Variants in SYT2 observed in about 807,000 individuals in gnomAD.
The protein encoded by SYT2 is synaptotagmin-2.
SYT2 carries 15 observed loss-of-function variants against 39.9 expected under a neutral mutation model. That is an observed-to-expected ratio of 0.38 (90% CI 0.25 to 0.58). The LOEUF (loss-of-function observed/expected upper bound fraction) is 0.58. Among genes scored for constraint, SYT2 ranks in the 20% least tolerant of loss-of-function variants. SYT2 has a pLI of 0.70. For synonymous variants in SYT2, 181 were observed against 204.5 expected (o/e 0.89, Z 0.98); for missense variants, 389 against 530.3 (o/e 0.73, Z 2.62).
At chr1:202,646,046 C>T (rs1692075261) in intron 1 of SYT2, among the ~76,000 whole-genome samples, 1 of 152,216 alleles carries the variant, frequency 6.6e-6, no homozygotes, top group African/African-American at 2.4e-5. Context: ...CACCCAAGGT[C>T]CTGAGGTAGG....
At chr1:202,657,531 T>C (rs1692300278) in intron 1 of SYT2, among the ~76,000 whole-genome samples, 1 of 152,190 alleles carries the variant, frequency 6.6e-6, no homozygotes, top group Admixed American at 6.5e-5. Flanking sequence ...CAGACAGCTC[T>C]GTGAGCGGGA....
In SYT2 at chr1:202,591,258, C is replaced by T. The variant is rs1690102799; in HGVS notation, c.*5499G>A. 1.3e-5 allele frequency: 2 copies of T among 152,632 alleles called. No homozygotes were observed. Among genetic ancestry groups the T allele is most frequent in the Admixed American group, 1.3e-4 (2 of 15,292 alleles). 9.5% of individuals were successfully genotyped at this position (152,632 alleles called of 1,614,324 possible). A position where few individuals can be genotyped will look rare whatever the true frequency, so the allele number is the denominator to read the frequency against. ...AAGCCTGCCTCGCCACCTCTGGCCT[C>T]CTCGAATGCGCCCTGCCTGATTCCC... On this transcript the variant is annotated 3_prime_UTR_variant, in exon 9 of 9. Transcript: ENST00000367268.
chr1:202,658,126 G>A (rs1485068659), intron 1 of SYT2, among the ~76,000 whole-genome samples: 1 of 152,126 alleles, frequency 6.6e-6, no homozygotes, highest in Non-Finnish European at 1.5e-5. Flanking sequence ...GATTGGACTA[G>A]ATGATCTCTT....
chr1:202,600,403 G>A lies in SYT2; in HGVS notation c.873C>T (p.Ile291=), dbSNP rs1690456839. ...VPTAGKLTVC[I]LEAKNLKKMD... ...TCTTCTTGAGGTTCTTAGCCTCCAG[G>A]ATGCAGACAGTGAGCTTCCCGGCCG... The change falls in exon 7 of 9, where the codon ATC becomes ATT. Residue 291 remains isoleucine, a synonymous_variant. Coordinates refer to ENST00000367268, the MANE Select transcript of SYT2 (RefSeq NM_177402.5). The A allele has an allele frequency of 6.2e-7, 1 of 1,614,232 alleles. No individual in the cohort carries two copies. Among genetic ancestry groups the A allele is most frequent in the Non-Finnish European group, 8.5e-7 (1 of 1,180,040 alleles).
Position 202,623,256 on chromosome 1 carries a change from T to G in SYT2, c.-17-17467A>C, listed in dbSNP as rs2149084248. On this transcript the variant is annotated intron_variant, in intron 1 of 8. Transcript: ENST00000367268. The surrounding 1 kb of genome is among the most constrained non-coding windows in gnomAD (Gnocchi z 4.2). ...AGTCCAGGCTCCCTGGAGAGGGAGT[T>G]AATACTGCAGCACGGCGCACTCTAG... 6.6e-6 allele frequency among the ~76,000 whole-genome samples: 1 copy of G among 152,296 alleles called. No individual in the cohort carries two copies. The highest frequency in any genetic ancestry group is 1.9e-4 in the East Asian group (1 of 5,180).
At chr1:202,634,393 T>G (rs1374443014) in intron 1 of SYT2, among the ~76,000 whole-genome samples, 2 of 152,038 alleles carry the variant, frequency 1.3e-5, no homozygotes, top group Non-Finnish European at 2.9e-5. Flanking sequence ...GGCGCATGCC[T>G]GTAATCCCAG....
At chr1:202,655,270 C>G (rs925400333) in intron 1 of SYT2, among the ~76,000 whole-genome samples, 2 of 152,098 alleles carry the variant, frequency 1.3e-5, no homozygotes, top group African/African-American at 4.8e-5. Flanking sequence ...GCAGGAGATG[C>G]GAGCCCAGGA....
At chr1:202,691,726 A>AGG (rs1558463382) in intron 1 of SYT2, among the ~76,000 whole-genome samples, 2 of 12,250 alleles carry the variant, frequency 1.6e-4, no homozygotes, top group African/African-American at 3.6e-4. Context: ...GGAGAGGGAG[A>AGG]GGGGGGGAGA....
intron 1 of SYT2, among the ~76,000 whole-genome samples, chr1:202,659,812 C>A (rs1235567965): frequency 1.5e-4 from 23 of 152,138 alleles, no homozygotes; most frequent in Non-Finnish European, 2.9e-5. Context: ...GAGGTGCTGC[C>A]AGTCAGCCCA....
intron 1 of SYT2, among the ~76,000 whole-genome samples, chr1:202,658,586 G>A (rs1301896618): frequency 1.3e-5 from 2 of 152,140 alleles, no homozygotes; most frequent in African/African-American, 2.4e-5. Context: ...CTGTGAGTAC[G>A]TGTGGCGTGT....
intron 1 of SYT2, among the ~76,000 whole-genome samples, chr1:202,636,145 A>G (rs534457488): frequency 1.3e-5 from 2 of 152,184 alleles, no homozygotes; most frequent in East Asian, 3.9e-4. Context: ...TTGTACAACT[A>G]CAGACTGCAT....
chr1:202,645,788 A>C (rs1284344597), intron 1 of SYT2, among the ~76,000 whole-genome samples: 2 of 152,062 alleles, frequency 1.3e-5, no homozygotes, highest in Non-Finnish European at 2.9e-5. Flanking sequence ...TGACATTTGC[A>C]CAGGCAGCGG....
chr1:202,660,596 G>C (rs7550433), intron 1 of SYT2, among the ~76,000 whole-genome samples: 68,955 of 151,786 alleles, frequency 0.45, 17,068 homozygotes, highest in East Asian at 0.79. Context: ...AGGAGATTTT[G>C]ACATGGTGAT....
At chr1:202,658,480 G>A (rs1006415236) in intron 1 of SYT2, among the ~76,000 whole-genome samples, 1 of 152,012 alleles carries the variant, frequency 6.6e-6, no homozygotes, top group East Asian at 1.9e-4. Flanking sequence ...AGAGCTGAGT[G>A]GCAGGATGGC....
chr1:202,683,775 T>C (rs968184695), intron 1 of SYT2, among the ~76,000 whole-genome samples: 1 of 151,372 alleles, frequency 6.6e-6, no homozygotes, highest in African/African-American at 2.4e-5. Flanking sequence ...TACTATATTA[T>C]TCCAGTTCAA....
chr1:202,639,547 A>G (rs1691842623), intron 1 of SYT2: 1 of 985,460 alleles, frequency 1.0e-6, no homozygotes, highest in African/African-American at 1.7e-5. Flanking sequence ...TCTCTGTGGA[A>G]GGCGGTGTTC....
chr1:202,594,441 C>T lies in SYT2; in HGVS notation c.*2316G>A, dbSNP rs1690221333. On this transcript the variant is annotated 3_prime_UTR_variant, in exon 9 of 9. Transcript: ENST00000367268. ...GTAGAGGGGATATTGACAAGGGGGT[C>T]TCCATGAGTGAGTCTGTGGGATATG... 6.6e-6 allele frequency: 1 copy of T among 152,156 alleles called. No individual in the cohort carries two copies. 9.4% of individuals were successfully genotyped at this position (152,156 alleles called of 1,614,324 possible). A position where few individuals can be genotyped will look rare whatever the true frequency, so the allele number is the denominator to read the frequency against.
At chr1:202,706,609 G>A (rs1307569156) in intron 1 of SYT2, among the ~76,000 whole-genome samples, 1 of 152,134 alleles carries the variant, frequency 6.6e-6, no homozygotes. Flanking sequence ...ATGAACCCTG[G>A]CAATCTGGCT....
At position 202,605,439 on chromosome 1, in the gene SYT2, C is replaced by A. The variant is rs187514995; in HGVS notation, c.178+156G>T. ...CATTAGTGGCAGATCCTACTTCCCC[C>A]TCCCCGATTCCTGCAGGGGCTCTCC... On this transcript the variant is annotated intron_variant, in intron 2 of 8. Transcript: ENST00000367268. The A allele has an allele frequency of 5.1e-6, 3 of 589,826 alleles. No individual in the cohort carries two copies. The Admixed American group carries it at 9.6e-5, about 19-fold the overall frequency. 36.5% of individuals were successfully genotyped at this position (589,826 alleles called of 1,614,324 possible).
Sources: gnomAD v4.1 joint callset for allele counts (sites outside exome capture counted in the v4.1 genomes callset) on GRCh38, gnomAD v4.1.1 for gene constraint, Gnocchi (gnomAD v3.1) non-coding constraint, MANE v1.5 for transcripts, NCBI Gene and HGNC (gene_info 2026-07-23, HGNC 2026-07-21) for gene names.